Variants in ZSCAN5A observed in about 807,000 individuals in gnomAD.
ZSCAN5A encodes zinc finger and SCAN domain containing 5A, also known as zinc finger and SCAN domain-containing protein 5A.
A neutral mutation model predicts 23.7 loss-of-function variants in ZSCAN5A; 12 were observed. That is an observed-to-expected ratio of 0.51 (90% confidence interval 0.32 to 0.82). The LOEUF (loss-of-function observed/expected upper bound fraction) is 0.82. Among genes scored for constraint, ZSCAN5A ranks in the 40% least tolerant of loss-of-function variants. The probability of loss-of-function intolerance (pLI) is 0.03; values close to 1 mark genes in which losing one functional copy is unlikely to be tolerated. For missense variants in ZSCAN5A, 597 were observed against 617.9 expected, an observed-to-expected ratio of 0.97 and a Z score of 0.36; for synonymous variants, 257 against 239.9, an observed-to-expected ratio of 1.07 and a Z score of -0.66.
chr19:56,271,910 T>C (rs1336481271), intron 2 of ZSCAN5A, among the ~76,000 whole-genome samples: 2 of 152,222 alleles, frequency 1.3e-5, no homozygotes, highest in Non-Finnish European at 2.9e-5. Context: ...GTCAAAGCAA[T>C]TTCTAAGAAT....
intron 2 of ZSCAN5A, among the ~76,000 whole-genome samples, chr19:56,251,403 G>C (rs2036331336): frequency 6.6e-6 from 1 of 151,994 alleles, no homozygotes; most frequent in Non-Finnish European, 1.5e-5. Flanking sequence ...AAAATGATTG[G>C]GAGTTTCGAA....
intron 2 of ZSCAN5A, among the ~76,000 whole-genome samples, chr19:56,239,780 T>G (rs1006810089): frequency 6.6e-6 from 1 of 152,144 alleles, no homozygotes; most frequent in African/African-American, 2.4e-5. Context: ...AATCACTGGT[T>G]TGATATTAAT....
chr19:56,301,918 G>A (rs1479750252), intron 2 of ZSCAN5A: 57 of 1,231,834 alleles, frequency 4.6e-5, no homozygotes, highest in South Asian at 1.2e-4. Context: ...GAAGCTCTAA[G>A]GCAGGAAGGG....
At chr19:56,314,074 T>C (rs1336376663) in intron 1 of ZSCAN5A, among the ~76,000 whole-genome samples, 1 of 152,184 alleles carries the variant, frequency 6.6e-6, no homozygotes, top group Non-Finnish European at 1.5e-5. Flanking sequence ...CTCAATATCC[T>C]ACCACGCACA....
At chr19:56,281,377 T>A (rs2038691888) in intron 2 of ZSCAN5A, among the ~76,000 whole-genome samples, 1 of 152,140 alleles carries the variant, frequency 6.6e-6, no homozygotes, top group African/African-American at 2.4e-5. Flanking sequence ...CATATACATT[T>A]ACATATTTAT....
At chr19:56,362,442 G>A (rs1028564253) in intron 2 of ZSCAN5A, among the ~76,000 whole-genome samples, 8 of 151,578 alleles carry the variant, frequency 5.3e-5, no homozygotes, top group East Asian at 2.0e-4. Context: ...GGAGGCATGC[G>A]CCTGTAATCC....
intron 2 of ZSCAN5A, among the ~76,000 whole-genome samples, chr19:56,339,742 C>A (rs8103436): frequency 3.3e-5 from 2 of 60,890 alleles, no homozygotes; most frequent in Admixed American, 3.5e-4. Flanking sequence ...GAAGGAGCGG[C>A]TGTAGCCGCA....
At chr19:56,355,338 C>T (rs1201851067) in intron 2 of ZSCAN5A, among the ~76,000 whole-genome samples, 2 of 148,724 alleles carry the variant, frequency 1.3e-5, no homozygotes, top group Non-Finnish European at 3.0e-5. Flanking sequence ...ACAGTATTAT[C>T]AAAATGTTCT....
chr19:56,269,096 G>A (rs79335118), intron 2 of ZSCAN5A, among the ~76,000 whole-genome samples: 88 of 152,252 alleles, frequency 5.8e-4, no homozygotes, highest in African/African-American at 2.0e-3. Context: ...ATTCGTGTGT[G>A]AATATTTGTG....
chr19:56,260,524 A>C (rs976547759), intron 2 of ZSCAN5A, among the ~76,000 whole-genome samples: 1 of 151,548 alleles, frequency 6.6e-6, no homozygotes, highest in Non-Finnish European at 1.5e-5. Flanking sequence ...TTTTTTTTAC[A>C]TTTTTTTAAT....
intron 2 of ZSCAN5A, among the ~76,000 whole-genome samples, chr19:56,327,123 G>A (rs112962065): frequency 1.6e-4 from 24 of 151,522 alleles, no homozygotes; most frequent in African/African-American, 5.1e-4. Flanking sequence ...TACTACATTC[G>A]TCATGCTATA....
chr19:56,255,594 T>C (rs2036639076), intron 2 of ZSCAN5A, among the ~76,000 whole-genome samples: 1 of 151,914 alleles, frequency 6.6e-6, no homozygotes, highest in South Asian at 2.1e-4. Context: ...TGACCCAACG[T>C]GGTTTTTCCC....
chr19:56,332,019 T>C (rs1230559432), intron 2 of ZSCAN5A, among the ~76,000 whole-genome samples: 1 of 152,214 alleles, frequency 6.6e-6, no homozygotes, highest in Non-Finnish European at 1.5e-5. Context: ...CTATTTTTAT[T>C]GCACTGTGGT....
At chr19:56,345,417 A>G (rs2041625319) in intron 2 of ZSCAN5A, among the ~76,000 whole-genome samples, 1 of 152,198 alleles carries the variant, frequency 6.6e-6, no homozygotes, top group South Asian at 2.1e-4. Flanking sequence ...CTTTTTTGCT[A>G]TCATGGATTT....
chr19:56,274,541 A>G (rs1600153286), intron 2 of ZSCAN5A: 1 of 152,166 alleles, frequency 6.6e-6, no homozygotes, highest in Non-Finnish European at 1.5e-5. Flanking sequence ...ACTTGAGGAA[A>G]AGTCACAAAA....
intron 2 of ZSCAN5A, chr19:56,342,462 T>C (rs1375873163): frequency 2.5e-6 from 1 of 399,066 alleles, no homozygotes. Context: ...CTCTGGAGAA[T>C]TTTCATAGGC....
At chr19:56,237,009 G>A (rs1344348082) in intron 2 of ZSCAN5A, among the ~76,000 whole-genome samples, 2 of 152,256 alleles carry the variant, frequency 1.3e-5, no homozygotes, top group African/African-American at 2.4e-5. Flanking sequence ...TCCTTCACGG[G>A]GTGTAGCCAA....
At chr19:56,236,968 C>G (rs10414782) in intron 2 of ZSCAN5A, among the ~76,000 whole-genome samples, 67,812 of 151,314 alleles carry the variant, frequency 0.45, 15,454 homozygotes, top group South Asian at 0.57. Flanking sequence ...GGCCAAGTCT[C>G]CACGTCAGCC....
At chr19:56,281,291 G>C (rs2159552) in intron 2 of ZSCAN5A, among the ~76,000 whole-genome samples, 118,938 of 152,002 alleles carry the variant, frequency 0.78, 47,980 homozygotes, top group Non-Finnish European at 0.89. Flanking sequence ...AGAAGAAAAT[G>C]CACATCTAAG....
Sources: allele counts gnomAD v4.1 joint callset (sites outside exome capture counted in the v4.1 genomes callset), GRCh38; gene constraint gnomAD v4.1.1; transcripts MANE v1.5; gene names NCBI Gene and HGNC (gene_info 2026-07-23, HGNC 2026-07-21).